KCNIP4: variants seen among roughly 807,000 people sequenced by gnomAD.
KCNIP4 encodes the protein Kv channel-interacting protein 4.
In KCNIP4, 12 loss-of-function variants were observed where a neutral mutation model predicts 34.0. That is an observed-to-expected ratio of 0.35 (90% CI 0.23 to 0.57). The LOEUF (loss-of-function observed/expected upper bound fraction) is 0.57. Ranked by LOEUF, KCNIP4 falls within the 20% of genes least tolerant of loss-of-function variation. KCNIP4 has a pLI of 0.83. For synonymous variants in KCNIP4, 124 were observed against 102.2 expected (o/e 1.21, Z -1.29); for missense variants, 238 against 311.7 (o/e 0.76, Z 1.78).
chr4:21,894,787 T>C (rs1176606009), intron 1 of KCNIP4, among the ~76,000 whole-genome samples: 1 of 152,176 alleles, frequency 6.6e-6, no homozygotes, highest in Non-Finnish European at 1.5e-5. Context: ...AATCTAAACT[T>C]TAATCTTTTA....
At chr4:20,901,099 T>C (rs575128115) in intron 1 of KCNIP4, among the ~76,000 whole-genome samples, 1 of 152,354 alleles carries the variant, frequency 6.6e-6, no homozygotes, top group African/African-American at 2.4e-5. Context: ...AAGTTTGAGC[T>C]TCATGTTAAC....
intron 1 of KCNIP4, among the ~76,000 whole-genome samples, chr4:21,565,767 T>A (rs1739834006): frequency 6.6e-6 from 1 of 152,106 alleles, no homozygotes; most frequent in Non-Finnish European, 1.5e-5. Flanking sequence ...AAGCTCTTAT[T>A]TTTGAAAAAC....
chr4:20,904,271 G>T lies in KCNIP4; in HGVS notation c.62-21562C>A, dbSNP rs543410805. Among the ~76,000 whole-genome samples, 15 of 150,892 alleles carry T rather than the reference G, an allele frequency of 9.9e-5. No homozygotes were observed. In the South Asian group the frequency reaches 3.1e-3, roughly 31 times the overall value. On this transcript the variant is annotated intron_variant, in intron 1 of 8. Transcript: ENST00000382152. ...ATTTTTTATCAATGATTGATTTTATGGGGCATTGATTTATAATAGTAACAA... is the reference window on the plus strand; with the variant it reads ...ATTTTTTATCAATGATTGATTTTATTGGGCATTGATTTATAATAGTAACAA...
chr4:21,030,374 A>C (rs1740911032), intron 1 of KCNIP4, among the ~76,000 whole-genome samples: 1 of 151,950 alleles, frequency 6.6e-6, no homozygotes, highest in African/African-American at 2.4e-5. Flanking sequence ...CATGGCTCCT[A>C]CTCATTCTAT....
chr4:21,725,402 C>T (rs564981010), intron 1 of KCNIP4, among the ~76,000 whole-genome samples: 5 of 152,156 alleles, frequency 3.3e-5, no homozygotes, highest in Non-Finnish European at 5.9e-5. Context: ...GGAGAAGAGG[C>T]AAGGAAACCC....
chr4:21,383,799 A>G (rs137921155), intron 1 of KCNIP4, among the ~76,000 whole-genome samples: 2 of 152,312 alleles, frequency 1.3e-5, no homozygotes, highest in African/African-American at 4.8e-5. Flanking sequence ...AAAAATCTGA[A>G]TTACATCTAG....
chr4:21,876,024 C>T (rs1726089383), intron 1 of KCNIP4, among the ~76,000 whole-genome samples: 1 of 152,132 alleles, frequency 6.6e-6, no homozygotes, highest in Admixed American at 6.6e-5. Flanking sequence ...ATCCCTTTCA[C>T]AGTTTTGTGA....
intron 1 of KCNIP4, among the ~76,000 whole-genome samples, chr4:21,878,753 A>C (rs576225044): frequency 6.6e-6 from 1 of 152,346 alleles, no homozygotes; most frequent in East Asian, 1.9e-4. Flanking sequence ...AATACAATGA[A>C]ATATGGTCAG....
intron 1 of KCNIP4, among the ~76,000 whole-genome samples, chr4:20,951,425 G>A (rs185013955): frequency 1.3e-5 from 2 of 152,312 alleles, no homozygotes; most frequent in South Asian, 4.1e-4. Context: ...TTGGAAATGG[G>A]ATTAAATGAT....
chr4:21,364,979 C>T (rs989482103), intron 1 of KCNIP4, among the ~76,000 whole-genome samples: 11 of 151,964 alleles, frequency 7.2e-5, no homozygotes, highest in African/African-American at 2.4e-4. Flanking sequence ...TTATGGTATT[C>T]GTTCAATCTT....
chr4:20,743,989 G>C (rs1751811083), intron 5 of KCNIP4, among the ~76,000 whole-genome samples: 2 of 151,806 alleles, frequency 1.3e-5, no homozygotes, highest in Non-Finnish European at 2.9e-5. Flanking sequence ...AGACATTTAT[G>C]CAGCCACCAG....
chr4:21,528,675 CAAAGAAAGAAAGAAA>C (rs1736202701), intron 1 of KCNIP4, among the ~76,000 whole-genome samples: 28 of 84,254 alleles, frequency 3.3e-4, no homozygotes, highest in African/African-American at 1.3e-3. Flanking sequence ...TCATAAAAAA[CAAAGAAAGAAAGAAA>C]GAAAGAAAGA....
chr4:21,798,501 C>A (rs1341939913), intron 1 of KCNIP4, among the ~76,000 whole-genome samples: 7 of 75,566 alleles, frequency 9.3e-5, no homozygotes, highest in Admixed American at 2.2e-4. Flanking sequence ...GGTGAGAAAG[C>A]AAGACCCTGG....
intron 5 of KCNIP4, among the ~76,000 whole-genome samples, chr4:20,747,669 T>C (rs917445851): frequency 2.6e-5 from 4 of 152,230 alleles, no homozygotes; most frequent in Middle Eastern, 6.8e-3. Context: ...TTTATTTTTC[T>C]CTTCTCAGTG....
rs189122723 is a variant in KCNIP4 at position 21,301,260 on chromosome 4, G to C, written c.62-418551C>G. On this transcript the variant is annotated intron_variant, in intron 1 of 8. Transcript: ENST00000382152. ...TTGAAGTACATGTATTCTACACATA[G>C]ATAAAAGCAAAATAACAACTACATT... is the stretch of plus-strand genomic sequence containing the variant. 1.3e-4 allele frequency among the ~76,000 whole-genome samples: 20 copies of C among 152,156 alleles called. No homozygotes were observed. In the East Asian group the frequency reaches 3.5e-3, roughly 26 times the overall value.
chr4:21,152,776 G>A (rs1752851379), intron 1 of KCNIP4, among the ~76,000 whole-genome samples: 1 of 152,162 alleles, frequency 6.6e-6, no homozygotes, highest in African/African-American at 2.4e-5. Context: ...CTTGTCAGAT[G>A]AGCCGCGGCA....
chr4:20,997,335 G>A (rs536399723), intron 1 of KCNIP4, among the ~76,000 whole-genome samples: 1 of 152,204 alleles, frequency 6.6e-6, no homozygotes, highest in Non-Finnish European at 1.5e-5. Context: ...AACCAGCAAA[G>A]CTGCAAAGCT....
intron 1 of KCNIP4, among the ~76,000 whole-genome samples, chr4:21,073,011 G>A (rs1425651182): frequency 6.6e-6 from 1 of 152,154 alleles, no homozygotes; most frequent in Non-Finnish European, 1.5e-5. Context: ...CTATATCTCT[G>A]TTTTGGTACA....
At chr4:20,873,222 C>A (rs28634750) in intron 2 of KCNIP4, among the ~76,000 whole-genome samples, 2,997 of 152,198 alleles carry the variant, frequency 0.02, 84 homozygotes, top group African/African-American at 0.069. Flanking sequence ...AAGGTAAAAT[C>A]CCTGCTTTGA....
Sources: allele counts gnomAD v4.1 joint callset (sites outside exome capture counted in the v4.1 genomes callset), GRCh38; gene constraint gnomAD v4.1.1; transcripts MANE v1.5; gene names NCBI Gene and HGNC (gene_info 2026-07-23, HGNC 2026-07-21).